NCOR1: variants seen among roughly 807,000 people sequenced by gnomAD.
NCOR1 encodes the protein protein phosphatase 1, regulatory subunit 109.
In NCOR1, 63 loss-of-function variants were observed where a neutral mutation model predicts 288.1. That is an observed-to-expected ratio of 0.22 (90% confidence interval 0.18 to 0.27). The LOEUF is 0.27. Ranked by LOEUF, NCOR1 falls within the 10% of genes least tolerant of loss-of-function variation. The probability of loss-of-function intolerance (pLI) is 1.00; values close to 1 mark genes in which losing one functional copy is unlikely to be tolerated. For synonymous variants in NCOR1, 1,007 were observed against 1,065.9 expected (o/e 0.94, Z 1.08); for missense variants, 2,397 against 3,019.2 (o/e 0.79, Z 4.83).
intron 4 of NCOR1, among the ~76,000 whole-genome samples, chr17:16,165,636 C>T (rs1394225207): frequency 6.6e-6 from 1 of 152,174 alleles, no homozygotes; most frequent in African/African-American, 2.4e-5. Flanking sequence ...GCTTTCCAAA[C>T]CAAAACTGAG....
chr17:16,060,051 G>A (rs949293134), intron 37 of NCOR1, among the ~76,000 whole-genome samples: 6 of 152,134 alleles, frequency 3.9e-5, no homozygotes, highest in South Asian at 4.1e-4. Flanking sequence ...GTAGAAAGTC[G>A]GAATCCAAAC....
intron 7 of NCOR1, 22 bp downstream of exon 7, chr17:16,153,316 TG>T: frequency 6.5e-7 from 1 of 1,529,508 alleles, no homozygotes; most frequent in Non-Finnish European, 8.9e-7. Context: ...AAAAAATCAC[TG>T]GAAATGAAAA....
chr17:16,113,130 T>C (rs1190572764), intron 18 of NCOR1, among the ~76,000 whole-genome samples: 1 of 151,896 alleles, frequency 6.6e-6, no homozygotes, highest in African/African-American at 2.4e-5. Context: ...TTAGCCAGGA[T>C]GGTCTCGATC....
intron 19 of NCOR1, among the ~76,000 whole-genome samples, chr17:16,104,313 C>A (rs2068182376): frequency 6.6e-6 from 1 of 152,052 alleles, no homozygotes; most frequent in African/African-American, 2.4e-5. Flanking sequence ...TAATAGACAG[C>A]AATATAAAAA....
intron 23 of NCOR1, among the ~76,000 whole-genome samples, chr17:16,083,283 G>A (rs1432089910): frequency 6.6e-6 from 1 of 151,580 alleles, no homozygotes; most frequent in Non-Finnish European, 1.5e-5. Context: ...GCTGAGGTGG[G>A]AGGACTGCTT....
intron 32 of NCOR1, among the ~76,000 whole-genome samples, chr17:16,066,215 G>GC (rs2061104391): frequency 6.6e-6 from 1 of 152,116 alleles, no homozygotes; most frequent in Admixed American, 6.6e-5. Flanking sequence ...GGCTTTGTGG[G>GC]CCATTTCGCA....
At position 16,112,856 on chromosome 17, in the gene NCOR1, C is replaced by T. The variant is rs62073623; in HGVS notation, c.2056-3944G>A. On this transcript the variant is annotated intron_variant, in intron 18 of 45. Coordinates refer to ENST00000268712, the MANE Select transcript of NCOR1 (RefSeq NM_006311.4). ...ACACTTACTATATCAGAAACTAAAA[C>T]TAAGAAAACTTCAAAATTTTAAATT... Among the ~76,000 whole-genome samples the T allele has an allele frequency of 7.7e-3, 1,178 of 152,186 alleles. 13 individuals are homozygous for T. Among genetic ancestry groups the T allele is most frequent in the Non-Finnish European group, 0.013 (910 of 68,012 alleles).
At chr17:16,063,913 C>CTACA (rs1270661211) in intron 35 of NCOR1, among the ~76,000 whole-genome samples, 155 bp downstream of exon 35, 4 of 152,228 alleles carry the variant, frequency 2.6e-5, no homozygotes, top group African/African-American at 9.6e-5. Flanking sequence ...ATCTCAGCTG[C>CTACA]TACAGCACTT....
rs71299858 is a variant in NCOR1 at position 16,056,308 on chromosome 17, C to CTTTTTTTTT, written c.6392+1197_6392+1205dup. Among the ~76,000 whole-genome samples, 836 of 95,900 alleles carry CTTTTTTTTT rather than the reference C, an allele frequency of 8.7e-3. 1 individual carries two copies. The highest frequency in any genetic ancestry group is 0.012 in the Non-Finnish European group (610 of 51,146). The allele number at this position is 95,900 out of a possible 152,430, so 62.9% of individuals were successfully genotyped here. A position where few individuals can be genotyped will look rare whatever the true frequency, so the allele number is the denominator to read the frequency against. On this transcript the variant is annotated intron_variant, in intron 40 of 45. Coordinates refer to ENST00000268712, the MANE Select transcript of NCOR1 (RefSeq NM_006311.4). ...GTCTTGTTCTCAGCATTCTTTTTATCTTTTTTTTTTTTTTTTTTTTTTGAG... is the reference window on the plus strand; with the variant it reads ...GTCTTGTTCTCAGCATTCTTTTTATCTTTTTTTTTTTTTTTTTTTTTTTTTTTTTTTGAG...
chr17:16,176,466 G>A (rs1339815976), intron 3 of NCOR1, among the ~76,000 whole-genome samples: 7 of 151,814 alleles, frequency 4.6e-5, no homozygotes, highest in African/African-American at 1.5e-4. Context: ...ACAGGGTTTC[G>A]CCATGTTGGC....
chr17:16,187,194 GTTGT>G (rs2086833329), intron 2 of NCOR1, among the ~76,000 whole-genome samples: 1 of 149,636 alleles, frequency 6.7e-6, no homozygotes, highest in African/African-American at 2.5e-5. Context: ...TCCTTTGTTG[GTTGT>G]TGTTTTTTTT....
chr17:16,075,738 A>T (rs761549038), intron 26 of NCOR1, 36 bp from the exon 27 acceptor site: 3 of 1,609,834 alleles, frequency 1.9e-6, no homozygotes, highest in Non-Finnish European at 2.5e-6. Context: ...CAGAGGAGTC[A>T]CTCGAGTTTA....
chr17:16,087,311 G>A lies in NCOR1; in HGVS notation c.3017-869C>T, dbSNP rs143450241. 331 of 1,304,214 alleles carry A rather than the reference G, an allele frequency of 2.5e-4. No individual in the cohort carries two copies. In the African/African-American group the frequency reaches 4.7e-3, roughly 19 times the overall value. 80.8% of individuals were successfully genotyped at this position (1,304,214 alleles called of 1,614,324 possible). On this transcript the variant is annotated intron_variant, in intron 22 of 45. Coordinates refer to ENST00000268712, the MANE Select transcript of NCOR1 (RefSeq NM_006311.4). The stretch of plus-strand genomic sequence containing the variant: ...GTGCTTCCTGTTCTAGAGCACGTTT[G>A]ACCTCAGCATAAGGCATATAGGCGA...
At chr17:16,071,724 G>C in intron 29 of NCOR1, 59 bp from the exon 30 acceptor site, 5 of 1,476,324 alleles carry the variant, frequency 3.4e-6, no homozygotes, top group Middle Eastern at 1.9e-4. Flanking sequence ...ACAATGCCAC[G>C]GAACTGTGCA....
chr17:16,126,001 CTG>C, intron 15 of NCOR1, 79 bp downstream of exon 15: 1 of 732,522 alleles, frequency 1.4e-6, no homozygotes, highest in African/African-American at 1.8e-5. Context: ...CATGTGACAA[CTG>C]TACTCCCTAT....
intron 14 of NCOR1, among the ~76,000 whole-genome samples, chr17:16,130,473 G>A (rs765335145): frequency 3.3e-5 from 5 of 152,076 alleles, no homozygotes; most frequent in African/African-American, 9.7e-5. Context: ...GCAATGGCTC[G>A]TTGTCCAGGT....
chr17:16,095,977 T>C (rs1461248807), intron 21 of NCOR1, among the ~76,000 whole-genome samples: 1 of 152,158 alleles, frequency 6.6e-6, no homozygotes, highest in Non-Finnish European at 1.5e-5. Flanking sequence ...TTTTGTTCTG[T>C]ACTAAGAAAA....
intron 1 of NCOR1, among the ~76,000 whole-genome samples, chr17:16,204,929 AAGTG>A (rs1388435574): frequency 6.6e-6 from 1 of 152,206 alleles, no homozygotes; most frequent in East Asian, 1.9e-4. Context: ...CACATGAATA[AAGTG>A]AGTGAGGCCA....
intron 22 of NCOR1, among the ~76,000 whole-genome samples, chr17:16,089,124 G>T (rs141286676): frequency 1.7e-4 from 24 of 139,042 alleles, no homozygotes; most frequent in African/African-American, 5.5e-4. Context: ...CATAGTAGTG[G>T]TTTTTTTTTT....
Sources: gnomAD v4.1 joint callset for allele counts (sites outside exome capture counted in the v4.1 genomes callset) on GRCh38, gnomAD v4.1.1 for gene constraint, MANE v1.5 for transcripts, NCBI Gene and HGNC (gene_info 2026-07-23, HGNC 2026-07-21) for gene names.